Variants in GNAL observed in about 807,000 individuals in gnomAD.
GNAL encodes the protein G protein subunit alpha L.
In GNAL, 18 loss-of-function variants were observed where a neutral mutation model predicts 55.1. The observed-to-expected ratio is 0.33, with a 90% confidence interval of 0.23 to 0.48. The LOEUF is 0.48. Ranked by LOEUF, GNAL falls within the 20% of genes least tolerant of loss-of-function variation. The pLI is 0.99. For missense variants in GNAL, 412 were observed against 614.1 expected (o/e 0.67, Z 3.48); for synonymous variants, 253 against 237.0 (o/e 1.07, Z -0.62).
At chr18:11,713,728 C>T (rs1281720613) in intron 1 of GNAL, among the ~76,000 whole-genome samples, 1 of 152,178 alleles carries the variant, frequency 6.6e-6, no homozygotes, top group Non-Finnish European at 1.5e-5. Flanking sequence ...GCTGTAGAGC[C>T]AGGACCTGAC....
intron 1 of GNAL, among the ~76,000 whole-genome samples, chr18:11,727,499 G>A (rs935218615): frequency 2.0e-5 from 3 of 152,214 alleles, no homozygotes; most frequent in African/African-American, 4.8e-5. Context: ...TTCCAGTAAC[G>A]GATGGGCTGC....
chr18:11,768,262 G>T (rs909749932), intron 4 of GNAL, among the ~76,000 whole-genome samples: 1 of 152,114 alleles, frequency 6.6e-6, no homozygotes, highest in African/African-American at 2.4e-5. Context: ...ATGACCTCTG[G>T]CCTCAAAAGC....
At chr18:11,729,482 C>T (rs1043424896) in intron 1 of GNAL, among the ~76,000 whole-genome samples, 1 of 152,176 alleles carries the variant, frequency 6.6e-6, no homozygotes, top group African/African-American at 2.4e-5. Context: ...CAAGTGTTAC[C>T]TCCTCTTTGA....
Position 11,751,417 on chromosome 18 carries a change from G to A in GNAL, c.377-1436G>A. Reference sequence around the variant, plus strand: ...TGGGAGCACTGCACAGGAGAAACGGGGGCTGGAGGTAAAGACAGGAGGCTC... The same window carrying A: ...TGGGAGCACTGCACAGGAGAAACGGAGGCTGGAGGTAAAGACAGGAGGCTC... On this transcript the variant is annotated intron_variant, in intron 1 of 11. Coordinates refer to ENST00000334049, the MANE Select transcript of GNAL (RefSeq NM_182978.4). The surrounding 1 kb of genome is among the most constrained non-coding windows in gnomAD (Gnocchi z 4.5). 1 of 682,762 alleles carries A rather than the reference G, an allele frequency of 1.5e-6. No individual in the cohort carries two copies. Among genetic ancestry groups the A allele is most frequent in the Non-Finnish European group, 1.8e-6 (1 of 553,198 alleles). 42.3% of individuals were successfully genotyped at this position (682,762 alleles called of 1,614,324 possible).
chr18:11,852,735 C>T (rs1236108113), intron 5 of GNAL: 1 of 166,338 alleles, frequency 6.0e-6, no homozygotes, highest in South Asian at 2.1e-4. Context: ...GCATAATACT[C>T]TCTTACTGCT....
rs970097154 is a variant in GNAL, at chr18:11,699,187, T to A, written c.376+9248T>A. ...GAGTCTACATTTATCTATTTATTTTTAATTTTATTTATTTATTTATTTACT... is the reference window on the plus strand; with the variant it reads ...GAGTCTACATTTATCTATTTATTTTAAATTTTATTTATTTATTTATTTACT... On this transcript the variant is annotated intron_variant, in intron 1 of 11. Coordinates refer to ENST00000334049, the MANE Select transcript of GNAL (RefSeq NM_182978.4). 5.9e-5 allele frequency among the ~76,000 whole-genome samples: 9 copies of A among 151,984 alleles called. No homozygotes were observed. In the South Asian group the frequency reaches 1.0e-3, roughly 18 times the overall value.
At chr18:11,787,627 C>G (rs1300237172) in intron 4 of GNAL, among the ~76,000 whole-genome samples, 2 of 152,196 alleles carry the variant, frequency 1.3e-5, no homozygotes, top group East Asian at 3.8e-4. Context: ...GTAATCCTAG[C>G]ACTTTGGGAG....
chr18:11,815,823 T>A (rs1480826944), intron 4 of GNAL, among the ~76,000 whole-genome samples: 1 of 152,180 alleles, frequency 6.6e-6, no homozygotes, highest in East Asian at 1.9e-4. Context: ...TACTTTTATT[T>A]TTAAAAAACT....
intron 5 of GNAL, chr18:11,852,689 C>T (rs1022369070): frequency 1.2e-5 from 2 of 165,376 alleles, no homozygotes; most frequent in Non-Finnish European, 2.9e-5. Flanking sequence ...AAATGTGGTC[C>T]TATAATTTAT....
chr18:11,830,520 A>T (rs1305740506), intron 5 of GNAL, among the ~76,000 whole-genome samples: 2 of 152,090 alleles, frequency 1.3e-5, no homozygotes, highest in Non-Finnish European at 2.9e-5. Flanking sequence ...CTTCTCAGTG[A>T]TGCTGAAATT....
intron 4 of GNAL, among the ~76,000 whole-genome samples, chr18:11,776,376 A>G (rs1430287227): frequency 6.6e-6 from 1 of 152,180 alleles, no homozygotes; most frequent in East Asian, 1.9e-4. Context: ...TAAGAGCGTC[A>G]CACTCTGTGG....
chr18:11,861,807 C>T (rs1253526823), intron 5 of GNAL, among the ~76,000 whole-genome samples: 1 of 152,174 alleles, frequency 6.6e-6, no homozygotes, highest in Non-Finnish European at 1.5e-5. Context: ...CCAGGTTTGC[C>T]AGCACACACA....
At chr18:11,768,912 A>G (rs1215558840) in intron 4 of GNAL, among the ~76,000 whole-genome samples, 10 of 132,918 alleles carry the variant, frequency 7.5e-5, no homozygotes, top group Non-Finnish European at 1.6e-4. Context: ...AAAAAAATAT[A>G]TATATAACAT....
At position 11,708,195 on chromosome 18, in the gene GNAL, T is replaced by C. The variant is rs183747607; in HGVS notation, c.376+18256T>C. Among the ~76,000 whole-genome samples the C allele has an allele frequency of 2.3e-3, 355 of 152,344 alleles. 7 individuals are homozygous for C. The highest frequency in any genetic ancestry group is 0.02 in the Admixed American group (311 of 15,302). On this transcript the variant is annotated intron_variant, in intron 1 of 11. Coordinates refer to ENST00000334049, the MANE Select transcript of GNAL (RefSeq NM_182978.4). The stretch of plus-strand genomic sequence containing the variant: ...GGCCTGTCTTGGCTTTTGACATGCC[T>C]TCCTCAGTAAGCTTAATCATTTCTA...
At chr18:11,849,012 C>A (rs2035796369) in intron 5 of GNAL, among the ~76,000 whole-genome samples, 1 of 152,166 alleles carries the variant, frequency 6.6e-6, no homozygotes, top group Admixed American at 6.5e-5. Context: ...CTTTTCATTA[C>A]CTGTGAACTG....
intron 5 of GNAL, chr18:11,853,376 G>A (rs1567893526): frequency 6.0e-6 from 1 of 167,114 alleles, no homozygotes; most frequent in African/African-American, 2.4e-5. Flanking sequence ...GAAAAGTAAA[G>A]CATGTATCCA....
rs28696966 is a variant in GNAL, at chr18:11,752,737, C to G, written c.377-116C>G. The stretch of plus-strand genomic sequence containing the variant: ...CGGGGCGAGCTCCTCCAGCCAGGAA[C>G]CCGCGTGTAGGAAATCCCCGTGCTG... On this transcript the variant is annotated intron_variant, in intron 1 of 11. Coordinates refer to ENST00000334049, the MANE Select transcript of GNAL (RefSeq NM_182978.4). This position sits in a 1 kb window ranked among gnomAD's most constrained non-coding sequence, Gnocchi z 4.5. 0.072 allele frequency: 83,835 copies of G among 1,159,292 alleles called. 4,279 individuals carry two copies. The highest frequency in any genetic ancestry group is 0.24 in the African/African-American group (15,232 of 64,700). The allele number at this position is 1,159,292 out of a possible 1,614,324, so 71.8% of individuals were successfully genotyped here.
chr18:11,865,115 C>G (rs867282410), intron 7 of GNAL, among the ~76,000 whole-genome samples: 1 of 150,828 alleles, frequency 6.6e-6, no homozygotes, highest in African/African-American at 2.5e-5. Flanking sequence ...ACTCTCTCGG[C>G]ACAGCCCTGG....
At chr18:11,764,224 C>T (rs1487915548) in intron 4 of GNAL, among the ~76,000 whole-genome samples, 2 of 152,116 alleles carry the variant, frequency 1.3e-5, no homozygotes, top group Non-Finnish European at 2.9e-5. Context: ...CCTGCCTCAG[C>T]CTCCTGAGTA....
Sources: gnomAD v4.1 joint callset for allele counts (sites outside exome capture counted in the v4.1 genomes callset) on GRCh38, gnomAD v4.1.1 for gene constraint, Gnocchi (gnomAD v3.1) non-coding constraint, MANE v1.5 for transcripts, NCBI Gene and HGNC (gene_info 2026-07-23, HGNC 2026-07-21) for gene names.